Variants in TRIM49C observed in about 807,000 individuals in gnomAD.
TRIM49C encodes tripartite motif containing 49C, also known as tripartite motif-containing protein 49C.
Under a neutral mutation model 21.4 loss-of-function variants are expected in TRIM49C, and 6 were observed. The observed-to-expected ratio is 0.28, with a 90% CI of 0.15 to 0.55. The LOEUF is 0.55. Ranked by LOEUF, TRIM49C falls within the 20% of genes least tolerant of loss-of-function variation. The probability of loss-of-function intolerance (pLI) is 0.94; values close to 1 mark genes in which losing one functional copy is unlikely to be tolerated. For missense variants in TRIM49C, 161 were observed against 442.4 expected (o/e 0.36, Z 5.71); for synonymous variants, 57 against 148.1 (o/e 0.38, Z 4.47).
chr11:90,071,190 C>T, the TRIM49C span: 1 of 493,188 alleles, frequency 2.0e-6, no homozygotes, highest in East Asian at 6.0e-5. Context: ...GCCATCAGTG[C>T]AAGCTGGAGC....
At chr11:90,056,182 G>C in the TRIM49C span, among the ~76,000 whole-genome samples, 1 of 135,988 alleles carries the variant, frequency 7.4e-6, no homozygotes, top group Non-Finnish European at 1.6e-5. Flanking sequence ...AGATGGTCTC[G>C]ATCTCCTGAC....
At chr11:90,066,735 T>A in the TRIM49C span, among the ~76,000 whole-genome samples, 2 of 129,700 alleles carry the variant, frequency 1.5e-5, no homozygotes, top group Admixed American at 1.9e-4. Context: ...ATTTTAAAAA[T>A]TATATAATAA....
chr11:90,064,405 A>T, the TRIM49C span, among the ~76,000 whole-genome samples: 1 of 150,786 alleles, frequency 6.6e-6, no homozygotes, highest in Non-Finnish European at 1.5e-5. Flanking sequence ...AAAAAAAGTG[A>T]AGATATGTAT....
At chr11:90,073,251 T>G in the TRIM49C span, 49,312 of 934,112 alleles carry the variant, frequency 0.053, 10,795 homozygotes, top group South Asian at 0.11. Context: ...AAACCTCTGG[T>G]CCGAGTTGGT....
the TRIM49C span, among the ~76,000 whole-genome samples, chr11:90,063,569 GGCACGT>G: frequency 1.4e-5 from 2 of 142,192 alleles, no homozygotes; most frequent in East Asian, 4.1e-4. Flanking sequence ...AGGGCGTGGT[GGCACGT>G]GCCTGTAGTC....
At chr11:90,073,270 T>C in the TRIM49C span, 67,600 of 962,020 alleles carry the variant, frequency 0.07, 12,998 homozygotes, top group Admixed American at 0.21. Flanking sequence ...GTGTGTTTCT[T>C]AATTTTGAAA....
At chr11:90,042,451 GAC>G (rs1950777114), downstream of TRIM49C, among the ~76,000 whole-genome samples, 1 of 130,526 alleles carries the variant, frequency 7.7e-6, no homozygotes, top group Non-Finnish European at 1.6e-5. Context: ...ATAAATAAAA[GAC>G]AGTGAACTCA....
At chr11:90,072,435 G>A in the TRIM49C span, among the ~76,000 whole-genome samples, 2 of 146,376 alleles carry the variant, frequency 1.4e-5, no homozygotes, top group African/African-American at 2.5e-5. Flanking sequence ...TTTTCAGAAG[G>A]CAGATTCAGA....
the TRIM49C span, among the ~76,000 whole-genome samples, chr11:90,054,449 G>C: frequency 7.3e-6 from 1 of 137,516 alleles, no homozygotes; most frequent in Non-Finnish European, 1.6e-5. Context: ...CACTGAGGCA[G>C]AGTCTCACTC....
Position 90,032,327 on chromosome 11 carries a change from C to T in TRIM49C, c.-190-70C>T, listed in dbSNP as rs548231181. The T allele has an allele frequency of 9.8e-4, 127 of 130,208 alleles. 20 individuals carry two copies. Among genetic ancestry groups the T allele is most frequent in the African/African-American group, 3.6e-3 (124 of 34,198 alleles). 8.1% of individuals were successfully genotyped at this position (130,208 alleles called of 1,614,324 possible). A position where few individuals can be genotyped will look rare whatever the true frequency, so the allele number is the denominator to read the frequency against. ...GGTGTGTTCTAAATACTGCATAAAC[C>T]TAATCATCTTTGTCTCCACCTTTCT... On this transcript the variant is annotated intron_variant, in intron 1 of 7. Coordinates refer to ENST00000448984, the MANE Select transcript of TRIM49C (RefSeq NM_001195234.1).
At chr11:90,042,719 T>C (rs1341456433), downstream of TRIM49C, among the ~76,000 whole-genome samples, 1 of 111,022 alleles carries the variant, frequency 9.0e-6, no homozygotes, top group East Asian at 2.7e-4. Context: ...GGAAACTGAC[T>C]ATTAGCATTT....
intron 2 of TRIM49C, among the ~76,000 whole-genome samples, chr11:90,034,729 T>C (rs1193945010): frequency 7.5e-6 from 1 of 133,722 alleles, no homozygotes; most frequent in African/African-American, 2.7e-5. Context: ...GGTGGTTTGC[T>C]GCCCGGCTTT....
chr11:90,042,688 T>A (rs1295216438), downstream of TRIM49C, among the ~76,000 whole-genome samples: 5 of 114,982 alleles, frequency 4.3e-5, 1 homozygote, highest in African/African-American at 1.8e-4. Context: ...GCTGGAGAGA[T>A]GTAAATGGAA....
chr11:90,071,045 C>G, the TRIM49C span: 1 of 465,210 alleles, frequency 2.1e-6, no homozygotes. Flanking sequence ...ATCCACCCAC[C>G]TTGGCCTCCC....
At chr11:90,060,181 A>G in the TRIM49C span, among the ~76,000 whole-genome samples, 2 of 141,102 alleles carry the variant, frequency 1.4e-5, no homozygotes, top group African/African-American at 2.7e-5. Flanking sequence ...CTCAAAATGT[A>G]TACATCCCCT....
the TRIM49C span, chr11:90,071,656 G>A: frequency 6.8e-4 from 723 of 1,063,090 alleles, 82 homozygotes; most frequent in South Asian, 1.7e-3. Context: ...CTTAAACACA[G>A]ACATCAGAAA....
chr11:90,038,959 G>A lies in TRIM49C; in HGVS notation c.761+244G>A, dbSNP rs1171031919. On this transcript the variant is annotated intron_variant, in intron 6 of 7. Coordinates refer to ENST00000448984, the MANE Select transcript of TRIM49C (RefSeq NM_001195234.1). ...TTTTGAGACGCTGTCTGGCTCTGTC[G>A]CCCAGGCTGGAGTGCAATGGCGCCA... 2.2e-5 allele frequency among the ~76,000 whole-genome samples: 3 copies of A among 137,186 alleles called. 1 individual carries two copies. Among genetic ancestry groups the A allele is most frequent in the South Asian group, 2.5e-4 (1 of 3,974 alleles). The allele number at this position is 137,186 out of a possible 152,430, so 90.0% of individuals were successfully genotyped here. A position where few individuals can be genotyped will look rare whatever the true frequency, so the allele number is the denominator to read the frequency against.
At chr11:90,062,851 T>C in the TRIM49C span, 15 of 1,394,690 alleles carry the variant, frequency 1.1e-5, 3 homozygotes. Context: ...GGGCAGCGCA[T>C]TGGTGCTCTG....
chr11:90,071,479 G>T, the TRIM49C span, among the ~76,000 whole-genome samples: 1 of 143,496 alleles, frequency 7.0e-6, no homozygotes, highest in Non-Finnish European at 1.5e-5. Context: ...TCAACTATTT[G>T]GTGGCAGATA....
Sources: gnomAD v4.1 joint callset for allele counts (sites outside exome capture counted in the v4.1 genomes callset) on GRCh38, gnomAD v4.1.1 for gene constraint, MANE v1.5 for transcripts, NCBI Gene and HGNC (gene_info 2026-07-23, HGNC 2026-07-21) for gene names.